SRFBP1: variants seen among roughly 807,000 people sequenced by gnomAD.
SRFBP1 encodes the protein serum response factor-binding protein 1.
In SRFBP1, 47 loss-of-function variants were observed where a neutral mutation model predicts 45.5. The ratio of observed to expected loss-of-function variants is 1.03; its 90% confidence interval spans 0.82 to 1.32. The LOEUF is 1.32. Ranked by LOEUF, SRFBP1 falls within the 40% of genes most tolerant of loss-of-function variation. The probability of loss-of-function intolerance (pLI) is 0.00; values close to 1 mark genes in which losing one functional copy is unlikely to be tolerated. For synonymous variants in SRFBP1, 203 were observed against 166.3 expected (o/e 1.22, Z -1.70); for missense variants, 621 against 484.6 (o/e 1.28, Z -2.64).
At chr5:121,983,198 A>G (rs777857680) in intron 3 of SRFBP1, among the ~76,000 whole-genome samples, 10 of 151,692 alleles carry the variant, frequency 6.6e-5, no homozygotes, top group Non-Finnish European at 1.0e-4. Context: ...AAATGGAGAC[A>G]AATTATTTTC....
chr5:122,005,231 T>C (rs1752951585), intron 4 of SRFBP1, among the ~76,000 whole-genome samples: 2 of 152,182 alleles, frequency 1.3e-5, no homozygotes. Flanking sequence ...TGTGCATTGC[T>C]GAAAGTGGAG....
chr5:121,966,706 T>C (rs1752076486), intron 1 of SRFBP1, among the ~76,000 whole-genome samples: 1 of 152,218 alleles, frequency 6.6e-6, no homozygotes, highest in South Asian at 2.1e-4. Flanking sequence ...AGCAATCTGA[T>C]GGAGTGCTTT....
chr5:122,011,958 T>A (rs529363141), intron 4 of SRFBP1, among the ~76,000 whole-genome samples: 56 of 152,260 alleles, frequency 3.7e-4, no homozygotes, highest in Admixed American at 1.2e-3. Context: ...ATTTCATTTA[T>A]TTTCAAAAAC....
Position 122,027,164 on chromosome 5 carries a change from A to AG in SRFBP1, c.*38_*39insG. ...TCTGCAAACTTTTCCATCTAAAAAA[A>AG]AAAATGTTTTTTTTAAGACAGGATC... On this transcript the variant is annotated 3_prime_UTR_variant, in exon 8 of 8. Transcript: ENST00000339397. 1.3e-6 allele frequency: 2 copies of AG among 1,556,816 alleles called. No individual in the cohort carries two copies. The highest frequency in any genetic ancestry group is 1.7e-6 in the Non-Finnish European group (2 of 1,147,406).
chr5:122,061,822 G>GT (rs1754174884), intron 2 of SRFBP1, among the ~76,000 whole-genome samples: 1 of 151,928 alleles, frequency 6.6e-6, no homozygotes. Flanking sequence ...ATGTTCTGTA[G>GT]TTTTTTAGAA....
intron 3 of SRFBP1, among the ~76,000 whole-genome samples, chr5:121,987,898 A>G (rs1240291871): frequency 6.6e-6 from 1 of 152,210 alleles, no homozygotes; most frequent in African/African-American, 2.4e-5. Flanking sequence ...CAGAGGCAGC[A>G]CTGCACTGCT....
intron 4 of SRFBP1, among the ~76,000 whole-genome samples, chr5:122,012,525 TC>T (rs1404977292): frequency 1.3e-5 from 2 of 152,094 alleles, no homozygotes; most frequent in Non-Finnish European, 2.9e-5. Context: ...ACAGTTTTTT[TC>T]CATTAGAATA....
chr5:122,010,622 T>G (rs1024052826), intron 4 of SRFBP1, among the ~76,000 whole-genome samples: 3 of 142,380 alleles, frequency 2.1e-5, no homozygotes, highest in Non-Finnish European at 4.5e-5. Context: ...AATGACTGGC[T>G]TTATCACTTA....
chr5:122,021,423 C>T (rs1753319179), intron 6 of SRFBP1, among the ~76,000 whole-genome samples: 2 of 152,094 alleles, frequency 1.3e-5, no homozygotes, highest in Admixed American at 6.5e-5. Context: ...TAGCTAATTT[C>T]TTCAGTAACA....
chr5:121,991,971 C>T (rs1320166463), intron 3 of SRFBP1, among the ~76,000 whole-genome samples: 1 of 152,058 alleles, frequency 6.6e-6, no homozygotes, highest in East Asian at 1.9e-4. Flanking sequence ...TAATTATTGG[C>T]ATTATTTATG....
chr5:122,041,679 C>T (rs1753775234), intron 2 of SRFBP1, among the ~76,000 whole-genome samples: 1 of 151,912 alleles, frequency 6.6e-6, no homozygotes, highest in Admixed American at 6.6e-5. Flanking sequence ...AGCCACCTTA[C>T]AAAACTCTCA....
At chr5:122,021,754 G>A (rs1309463335) in intron 6 of SRFBP1, among the ~76,000 whole-genome samples, 1 of 131,354 alleles carries the variant, frequency 7.6e-6, no homozygotes, top group East Asian at 2.3e-4. Flanking sequence ...TTGGCTCACT[G>A]TAACCTCTGC....
intron 4 of SRFBP1, among the ~76,000 whole-genome samples, chr5:122,014,775 G>A (rs78670974): frequency 0.014 from 2,168 of 152,168 alleles, 29 homozygotes; most frequent in Middle Eastern, 0.031. Flanking sequence ...TTACCCCGGA[G>A]TCCACACTAG....
chr5:122,003,892 T>A (rs990842565), intron 4 of SRFBP1, among the ~76,000 whole-genome samples: 4 of 152,202 alleles, frequency 2.6e-5, no homozygotes, highest in African/African-American at 9.7e-5. Flanking sequence ...CCTTTGCCTA[T>A]TTTTAATTGG....
intron 3 of SRFBP1, among the ~76,000 whole-genome samples, chr5:121,980,449 A>G (rs76718797): frequency 0.016 from 2,431 of 152,296 alleles, 24 homozygotes; most frequent in Middle Eastern, 0.044. Context: ...TCTTTCACCC[A>G]GCGATTAATG....
intron 2 of SRFBP1, among the ~76,000 whole-genome samples, chr5:122,046,442 A>G (rs1327422440): frequency 3.9e-5 from 6 of 152,268 alleles, no homozygotes; most frequent in African/African-American, 1.4e-4. Flanking sequence ...AATCCAGTCT[A>G]TCATTGTTGG....
At chr5:122,061,585 T>C (rs1198769801) in intron 2 of SRFBP1, among the ~76,000 whole-genome samples, 1 of 151,968 alleles carries the variant, frequency 6.6e-6, no homozygotes, top group Non-Finnish European at 1.5e-5. Context: ...GTTATGCAAT[T>C]ATGCATAACA....
At chr5:122,029,177 G>C (rs972908366), downstream of SRFBP1, among the ~76,000 whole-genome samples, 1 of 152,080 alleles carries the variant, frequency 6.6e-6, no homozygotes, top group Non-Finnish European at 1.5e-5. Context: ...CTGGGATGCT[G>C]CTAAGCTGTG....
chr5:122,032,491 A>G (rs1753607878), downstream of SRFBP1, among the ~76,000 whole-genome samples: 1 of 146,774 alleles, frequency 6.8e-6, no homozygotes, highest in African/African-American at 2.5e-5. Flanking sequence ...TATTTTTCTT[A>G]CCTCATATTC....
Sources: gnomAD v4.1 joint callset for allele counts (sites outside exome capture counted in the v4.1 genomes callset) on GRCh38, gnomAD v4.1.1 for gene constraint, MANE v1.5 for transcripts, NCBI Gene and HGNC (gene_info 2026-07-23, HGNC 2026-07-21) for gene names.